Variants in ROS1 observed in about 807,000 individuals in gnomAD.
ROS1 encodes proto-oncogene tyrosine-protein kinase ROS.
In ROS1, 263 loss-of-function variants were observed where a neutral mutation model predicts 273.5. The ratio of observed to expected loss-of-function variants is 0.96; its 90% confidence interval spans 0.87 to 1.06. ROS1 has a LOEUF of 1.06. ROS1 is among the 50% of genes least tolerant of loss of function. The pLI, the probability that ROS1 is intolerant of heterozygous loss-of-function variation, is 0.00. For synonymous variants in ROS1, 1,008 were observed against 954.1 expected, an observed-to-expected ratio of 1.06 and a Z score of -1.04; for missense variants, 2,833 against 2,751.1, an observed-to-expected ratio of 1.03 and a Z score of -0.67.
intron 32 of ROS1, 134 bp downstream of exon 32, chr6:117,337,038 T>C (rs2128616052): frequency 2.8e-6 from 2 of 724,446 alleles, no homozygotes; most frequent in Non-Finnish European, 4.4e-6. Flanking sequence ...CTGAATTTCT[T>C]CATTCAAGTT....
intron 15 of ROS1, among the ~76,000 whole-genome samples, chr6:117,386,259 C>CA (rs1324507786): frequency 6.6e-6 from 1 of 152,242 alleles, no homozygotes; most frequent in East Asian, 1.9e-4. Context: ...GCCAAAGTGG[C>CA]ATTCTCTCCA....
intron 32 of ROS1, among the ~76,000 whole-genome samples, chr6:117,335,265 A>G (rs1366032305): frequency 6.6e-6 from 1 of 152,240 alleles, no homozygotes; most frequent in Non-Finnish European, 1.5e-5. Context: ...TCATCAGAGG[A>G]GTACAAATCA....
chr6:117,308,470 T>C (rs992595051), intron 42 of ROS1, among the ~76,000 whole-genome samples: 1 of 152,048 alleles, frequency 6.6e-6, no homozygotes, highest in Non-Finnish European at 1.5e-5. Context: ...CATATGTGTG[T>C]GTATACTCTC....
intron 11 of ROS1, among the ~76,000 whole-genome samples, 177 bp from the exon 12 acceptor site, chr6:117,393,498 T>C (rs1032227860): frequency 6.6e-6 from 1 of 152,192 alleles, no homozygotes; most frequent in Non-Finnish European, 1.5e-5. Context: ...TATATCCTAA[T>C]GAATTTATAC....
chr6:117,329,266 G>A (rs1776876189), intron 33 of ROS1, 63 bp downstream of exon 33: 1 of 780,274 alleles, frequency 1.3e-6, no homozygotes, highest in Non-Finnish European at 2.1e-6. Context: ...TGTTACTTTT[G>A]ATTACTTTAT....
chr6:117,343,751 T>C (rs1354604443), intron 28 of ROS1, among the ~76,000 whole-genome samples: 1 of 152,126 alleles, frequency 6.6e-6, no homozygotes, highest in East Asian at 1.9e-4. Flanking sequence ...CAAAAATAAT[T>C]CTCTATCATT....
At chr6:117,321,519 G>C in intron 35 of ROS1, 125 bp from the exon 36 acceptor site, 1 of 763,838 alleles carries the variant, frequency 1.3e-6, no homozygotes, top group African/African-American at 1.8e-5. Flanking sequence ...AGTTATAGAA[G>C]TTTTCATAAT....
chr6:117,384,329 C>G (rs954388400), intron 16 of ROS1, among the ~76,000 whole-genome samples: 1 of 152,138 alleles, frequency 6.6e-6, no homozygotes, highest in Non-Finnish European at 1.5e-5. Flanking sequence ...GCAGGGACAA[C>G]TGATGATGGC....
chr6:117,300,553 A>G (rs1186937525), intron 43 of ROS1, among the ~76,000 whole-genome samples: 1 of 152,168 alleles, frequency 6.6e-6, no homozygotes, highest in Non-Finnish European at 1.5e-5. Context: ...GGAGAGGAAT[A>G]TGGGGATAAA....
chr6:117,421,141 C>G (rs1473259234), intron 1 of ROS1, among the ~76,000 whole-genome samples: 2 of 149,068 alleles, frequency 1.3e-5, no homozygotes, highest in African/African-American at 4.9e-5. Flanking sequence ...ATATCTATCA[C>G]ATGCTTTTTA....
chr6:117,425,803 T>C lies in ROS1; in HGVS notation c.-147A>G, dbSNP rs2128753644. On this transcript the variant is annotated 5_prime_UTR_variant, in exon 1 of 44. Transcript: ENST00000368507. ...TGCTATATTAGGATATACTTGCCTT[T>C]TGAAATAATACTTAGCCTTTTTCAT... is the stretch of plus-strand genomic sequence containing the variant. The C allele has an allele frequency of 1.3e-6, 1 of 794,140 alleles. No homozygotes were observed. Among genetic ancestry groups the C allele is most frequent in the East Asian group, 2.7e-5 (1 of 37,254 alleles). 49.2% of individuals were successfully genotyped at this position (794,140 alleles called of 1,614,324 possible).
chr6:117,356,192 C>A (rs1266158940), intron 26 of ROS1, among the ~76,000 whole-genome samples: 1 of 152,100 alleles, frequency 6.6e-6, no homozygotes, highest in Admixed American at 6.5e-5. Context: ...GTGGGAAGAT[C>A]ATGCATGTTG....
chr6:117,398,184 G>A (rs1773649844), intron 7 of ROS1, among the ~76,000 whole-genome samples: 2 of 151,850 alleles, frequency 1.3e-5, no homozygotes, highest in Non-Finnish European at 2.9e-5. Context: ...AGTCATTAGG[G>A]TCAATGCCCA....
intron 26 of ROS1, among the ~76,000 whole-genome samples, chr6:117,355,344 C>G (rs1017887307): frequency 1.3e-5 from 2 of 152,172 alleles, no homozygotes; most frequent in African/African-American, 4.8e-5. Flanking sequence ...GGCCTTGTTT[C>G]TAAAAGGCCT....
chr6:117,391,615 G>A (rs1263894891), intron 12 of ROS1, among the ~76,000 whole-genome samples: 1 of 152,140 alleles, frequency 6.6e-6, no homozygotes, highest in Non-Finnish European at 1.5e-5. Flanking sequence ...TGTCCTTTAG[G>A]ACTACTAAAC....
chr6:117,305,398 A>G (rs1032779197), intron 42 of ROS1, among the ~76,000 whole-genome samples: 3 of 152,122 alleles, frequency 2.0e-5, no homozygotes, highest in African/African-American at 7.2e-5. Flanking sequence ...CACTCATTCT[A>G]CCTCCAAAAG....
chr6:117,383,100 T>C (rs1582803046), intron 17 of ROS1, among the ~76,000 whole-genome samples: 4 of 152,044 alleles, frequency 2.6e-5, no homozygotes, highest in Admixed American at 2.6e-4. Context: ...TGAACTTACA[T>C]AATCACTTAT....
At chr6:117,369,276 T>G (rs1780537145) in intron 18 of ROS1, among the ~76,000 whole-genome samples, 1 of 152,192 alleles carries the variant, frequency 6.6e-6, no homozygotes, top group Admixed American at 6.5e-5. Flanking sequence ...TTACTAAACT[T>G]GAAATGAGGA....
At chr6:117,410,070 C>T (rs1165682997) in intron 4 of ROS1, among the ~76,000 whole-genome samples, 1 of 152,218 alleles carries the variant, frequency 6.6e-6, no homozygotes. Flanking sequence ...GCAATAATCA[C>T]CACAATCTAA....
Sources: gnomAD v4.1 joint callset for allele counts (sites outside exome capture counted in the v4.1 genomes callset) on GRCh38, gnomAD v4.1.1 for gene constraint, MANE v1.5 for transcripts, NCBI Gene and HGNC (gene_info 2026-07-23, HGNC 2026-07-21) for gene names.